CENPN: variants seen among roughly 807,000 people sequenced by gnomAD.
CENPN encodes the protein centromere protein N, also known as interphase centromere complex protein 32.
Under a neutral mutation model 48.6 loss-of-function variants are expected in CENPN, and 36 were observed. The ratio of observed to expected loss-of-function variants is 0.74; its 90% confidence interval spans 0.57 to 0.98. CENPN has a LOEUF of 0.98. CENPN is among the 50% of genes least tolerant of loss of function. The pLI is 0.00. For synonymous variants in CENPN, 166 were observed against 135.2 expected (o/e 1.23, Z -1.58); for missense variants, 439 against 399.2 (o/e 1.10, Z -0.85).
rs974817917 is a variant in CENPN, at chr16:81,029,055, C to T, written c.*404C>T. On this transcript the variant is annotated 3_prime_UTR_variant, in exon 11 of 11. Transcript: ENST00000305850. ...TGGTTTCCAGGGATTGATTCTTAAG[C>T]TCTGGATCACAGAGAGAAGCAACAA... 10 of 988,300 alleles carry T rather than the reference C, an allele frequency of 1.0e-5. No homozygotes were observed. In the African/African-American group the frequency reaches 1.7e-4, roughly 17 times the overall value. The allele number at this position is 988,300 out of a possible 1,614,324, so 61.2% of individuals were successfully genotyped here. A position where few individuals can be genotyped will look rare whatever the true frequency, so the allele number is the denominator to read the frequency against.
chr16:81,018,238 G>A (rs1034551530), intron 5 of CENPN, among the ~76,000 whole-genome samples: 2 of 151,746 alleles, frequency 1.3e-5, no homozygotes, highest in East Asian at 1.9e-4. Context: ...GTGCAGTGGC[G>A]AGATCTCGGC....
intron 4 of CENPN, among the ~76,000 whole-genome samples, 171 bp downstream of exon 4, chr16:81,017,556 G>A (rs1010285814): frequency 2.0e-5 from 3 of 152,122 alleles, no homozygotes; most frequent in East Asian, 1.9e-4. Context: ...TCAAAATGAG[G>A]TGATTATTTA....
In CENPN at chr16:81,030,134, TG is replaced by T; in HGVS notation, c.*1485del. ...TTCCCATGACTCAAGTATCTCCACCTGGCCCTGCCCTTGTCACATGGGGGTT... is the reference window on the plus strand; with the variant it reads ...TTCCCATGACTCAAGTATCTCCACCTGCCCTGCCCTTGTCACATGGGGGTT... On this transcript the variant is annotated 3_prime_UTR_variant, in exon 11 of 11. Coordinates refer to ENST00000305850, the MANE Select transcript of CENPN (RefSeq NM_001100624.3). 1.1e-6 allele frequency: 1 copy of T among 902,190 alleles called. No individual in the cohort carries two copies. The allele number at this position is 902,190 out of a possible 1,614,324, so 55.9% of individuals were successfully genotyped here.
At chr16:81,012,138 G>T in intron 2 of CENPN, 28 bp downstream of exon 2, 1 of 1,603,324 alleles carries the variant, frequency 6.2e-7, no homozygotes, top group South Asian at 1.1e-5. Context: ...GATGAGCCTT[G>T]AACAGAGTGC....
intron 8 of CENPN, among the ~76,000 whole-genome samples, chr16:81,026,153 A>ATATATGTGTATATATATG (rs1555522758): frequency 5.2e-5 from 7 of 135,290 alleles, no homozygotes; most frequent in African/African-American, 2.3e-4. Context: ...GTATATATAT[A>ATATATGTGTATATATATG]TGTGTATATA....
intron 2 of CENPN, among the ~76,000 whole-genome samples, chr16:81,012,630 C>G (rs1363911531): frequency 6.6e-6 from 1 of 152,190 alleles, no homozygotes; most frequent in African/African-American, 2.4e-5. Flanking sequence ...GAGTCTTGCT[C>G]TGTCATCCAT....
chr16:81,021,017 G>A (rs537261905), intron 6 of CENPN, among the ~76,000 whole-genome samples: 5 of 151,700 alleles, frequency 3.3e-5, no homozygotes, highest in Admixed American at 6.6e-5. Flanking sequence ...GCTTGAACCC[G>A]GGAGGCAGAG....
intron 7 of CENPN, chr16:81,023,079 A>G (rs1186675548): frequency 1.1e-5 from 5 of 441,926 alleles, no homozygotes; most frequent in Middle Eastern, 6.7e-4. Context: ...CAAGCAGGTT[A>G]TACAGGCACT....
Position 81,014,192 on chromosome 16 carries a change from G to T in CENPN, c.217+11G>T, listed in dbSNP as rs1205207677. ...TGTTAGACATCATTTGTAAGTGTCA[G>T]TGATTTGTATTTATACTTAACCAAT... is the stretch of plus-strand genomic sequence containing the variant. On this transcript the variant is annotated intron_variant, in intron 3 of 10. Coordinates refer to ENST00000305850, the MANE Select transcript of CENPN (RefSeq NM_001100624.3). The T allele has an allele frequency of 1.2e-6, 2 of 1,609,576 alleles. No homozygotes were observed. Among genetic ancestry groups the T allele is most frequent in the Admixed American group, 1.7e-5 (1 of 59,998 alleles).
chr16:81,028,073 G>A (rs1970590702), intron 9 of CENPN, 98 bp from the exon 10 acceptor site: 1 of 1,034,016 alleles, frequency 9.7e-7, no homozygotes, highest in Non-Finnish European at 1.4e-6. Flanking sequence ...TTTCTTAATG[G>A]CAAGAATTAA....
chr16:81,008,407 T>C (rs1172779393), intron 1 of CENPN, among the ~76,000 whole-genome samples: 2 of 152,134 alleles, frequency 1.3e-5, no homozygotes, highest in Non-Finnish European at 2.9e-5. Context: ...AGTCTTGCTT[T>C]GTCGCCCATG....
In CENPN at chr16:81,012,229, G is replaced by A. The variant is rs1969771687; in HGVS notation, c.171+119G>A. On this transcript the variant is annotated intron_variant, in intron 2 of 10. Coordinates refer to ENST00000305850, the MANE Select transcript of CENPN (RefSeq NM_001100624.3). ...GCTGCTAAACTACTAGTGAAGTGAT[G>A]AGGGCTATATACAACTGCAGTGGAA... 1.2e-5 allele frequency: 10 copies of A among 827,412 alleles called. No individual in the cohort carries two copies. The Admixed American group carries it at 2.7e-4, about 22-fold the overall frequency. 51.3% of individuals were successfully genotyped at this position (827,412 alleles called of 1,614,324 possible). A position where few individuals can be genotyped will look rare whatever the true frequency, so the allele number is the denominator to read the frequency against.
intron 2 of CENPN, among the ~76,000 whole-genome samples, chr16:81,012,603 T>C (rs1969789047): frequency 6.6e-6 from 1 of 152,252 alleles, no homozygotes; most frequent in Admixed American, 6.5e-5. Context: ...ATTTATTTTT[T>C]ATTTATTTTT....
chr16:81,023,206 T>C, intron 7 of CENPN: 1 of 280,242 alleles, frequency 3.6e-6, no homozygotes. Context: ...GATGCAGGGG[T>C]GTTTTTTCAA....
Position 81,027,475 on chromosome 16 carries a change from G to A in CENPN, c.811-696G>A, listed in dbSNP as rs543984180. Among the ~76,000 whole-genome samples the A allele has an allele frequency of 2.0e-5, 3 of 152,232 alleles. No homozygotes were observed. In the East Asian group the frequency reaches 5.8e-4, roughly 29 times the overall value. On this transcript the variant is annotated intron_variant, in intron 9 of 10. Coordinates refer to ENST00000305850, the MANE Select transcript of CENPN (RefSeq NM_001100624.3). ...AACTTGGGCAACAAAGTAAGACTCT[G>A]TCTCAAAAAAGAAACAAAGAAAGAA... is the stretch of plus-strand genomic sequence containing the variant.
At chr16:81,027,780 C>G (rs1362330182) in intron 9 of CENPN, among the ~76,000 whole-genome samples, 1 of 152,230 alleles carries the variant, frequency 6.6e-6, no homozygotes, top group African/African-American at 2.4e-5. Context: ...TCTTGGCTCA[C>G]TGCAGCCTCC....
intron 8 of CENPN, among the ~76,000 whole-genome samples, chr16:81,025,624 G>A (rs769879491): frequency 6.6e-6 from 1 of 150,970 alleles, no homozygotes; most frequent in Non-Finnish European, 1.5e-5. Flanking sequence ...TTGGGAGGTT[G>A]AGGAGGGAAG....
chr16:81,013,682 T>C (rs1597308257), intron 2 of CENPN, among the ~76,000 whole-genome samples: 1 of 151,990 alleles, frequency 6.6e-6, no homozygotes, highest in African/African-American at 2.4e-5. Context: ...GATTGCGCGT[T>C]TGCACTCCTG....
Position 81,022,606 on chromosome 16 carries a change from A to G in CENPN, c.541A>G (p.Ile181Val), listed in dbSNP as rs778807565. 79 of 1,613,940 alleles carry G rather than the reference A, an allele frequency of 4.9e-5. No individual in the cohort carries two copies. In the East Asian group the frequency reaches 9.8e-4, roughly 20 times the overall value. The change falls in exon 7 of 11, where the codon ATT becomes GTT. Residue 181 changes from isoleucine to valine, a missense_variant. Ile to Val is a conservative substitution (Grantham distance 29). Coordinates refer to ENST00000305850, the MANE Select transcript of CENPN (RefSeq NM_001100624.3). ...NTPLLGQALTIASKHHQIVKM... is the reference protein window; with the variant it reads ...NTPLLGQALTVASKHHQIVKM... ...AAATTTTCATTTCAAGGCGCTGACA[A>G]TTGCTAGCAAACACCATCAGATTGT...
Sources: gnomAD v4.1 joint callset for allele counts (sites outside exome capture counted in the v4.1 genomes callset) on GRCh38, gnomAD v4.1.1 for gene constraint, MANE v1.5 for transcripts, NCBI Gene and HGNC (gene_info 2026-07-23, HGNC 2026-07-21) for gene names.